Variants in KHDRBS2 observed in about 807,000 individuals in gnomAD.
KHDRBS2 encodes the protein KH RNA binding domain containing, signal transduction associated 2.
Under a neutral mutation model 44.3 loss-of-function variants are expected in KHDRBS2, and 26 were observed. The observed-to-expected ratio is 0.59, with a 90% CI of 0.43 to 0.81. The LOEUF (loss-of-function observed/expected upper bound fraction) is 0.81, where lower values mean the gene tolerates loss of function less well. Among genes scored for constraint, KHDRBS2 ranks in the 40% least tolerant of loss-of-function variants. The pLI is 0.00. For synonymous variants in KHDRBS2, 194 were observed against 151.1 expected, an observed-to-expected ratio of 1.28 and a Z score of -2.08; for missense variants, 476 against 433.1, an observed-to-expected ratio of 1.10 and a Z score of -0.88.
At chr6:61,868,357 A>G (rs1212982205) in intron 6 of KHDRBS2, among the ~76,000 whole-genome samples, 7 of 152,058 alleles carry the variant, frequency 4.6e-5, no homozygotes, top group Admixed American at 4.6e-4. Flanking sequence ...ACTCCATCCC[A>G]GGGAGAAATA....
chr6:62,020,382 T>A (rs1417174479), intron 3 of KHDRBS2, among the ~76,000 whole-genome samples: 3 of 152,014 alleles, frequency 2.0e-5, no homozygotes, highest in Non-Finnish European at 4.4e-5. Flanking sequence ...ATACTAAATG[T>A]TCTATGTGCA....
chr6:62,061,365 C>A (rs993479953), intron 2 of KHDRBS2, among the ~76,000 whole-genome samples: 1 of 151,266 alleles, frequency 6.6e-6, no homozygotes, highest in African/African-American at 2.4e-5. Flanking sequence ...TTAGGGCAGG[C>A]CTGGTGGTGA....
intron 2 of KHDRBS2, among the ~76,000 whole-genome samples, chr6:62,059,198 G>GGTTTTTTTT (rs1791036563): frequency 4.0e-5 from 1 of 24,878 alleles, no homozygotes; most frequent in Non-Finnish European, 8.2e-5. Flanking sequence ...AAGTTAGGAA[G>GGTTTTTTTT]TTTTTTTTTT....
At chr6:61,655,640 C>T in the KHDRBS2 span, among the ~76,000 whole-genome samples, 1 of 152,014 alleles carries the variant, frequency 6.6e-6, no homozygotes, top group South Asian at 2.1e-4. Context: ...CATGCACAAC[C>T]AAAAAATTAC....
At chr6:61,667,786 C>T in the KHDRBS2 span, among the ~76,000 whole-genome samples, 1 of 151,330 alleles carries the variant, frequency 6.6e-6, no homozygotes, top group Admixed American at 6.6e-5. Flanking sequence ...GCTAGCATTA[C>T]TAGCATTATT....
chr6:61,807,404 A>T (rs553523151), intron 6 of KHDRBS2, among the ~76,000 whole-genome samples: 2 of 152,174 alleles, frequency 1.3e-5, no homozygotes, highest in Non-Finnish European at 2.9e-5. Context: ...ACAATAGCAA[A>T]GACATGGACT....
At chr6:62,171,065 T>C (rs983387742) in intron 2 of KHDRBS2, among the ~76,000 whole-genome samples, 2 of 149,984 alleles carry the variant, frequency 1.3e-5, no homozygotes, top group African/African-American at 4.9e-5. Context: ...AAAACCAGAG[T>C]GTCTTCCTAC....
chr6:62,282,544 A>G (rs1228607344), intron 1 of KHDRBS2, among the ~76,000 whole-genome samples: 1 of 152,106 alleles, frequency 6.6e-6, no homozygotes, highest in East Asian at 1.9e-4. Flanking sequence ...GAACAGATCT[A>G]TGTCTGTCAG....
At chr6:62,054,708 G>A (rs1789870533) in intron 2 of KHDRBS2, among the ~76,000 whole-genome samples, 2 of 152,000 alleles carry the variant, frequency 1.3e-5, no homozygotes, top group Non-Finnish European at 2.9e-5. Context: ...TCTATTAGGT[G>A]GAAAAGTCAG....
intron 4 of KHDRBS2, among the ~76,000 whole-genome samples, chr6:61,955,882 A>G (rs193300066): frequency 6.6e-6 from 1 of 152,066 alleles, no homozygotes; most frequent in Non-Finnish European, 1.5e-5. Context: ...TCAATTTTAG[A>G]TTATGAAGCT....
At chr6:61,624,645 AC>A in the KHDRBS2 span, among the ~76,000 whole-genome samples, 7 of 152,086 alleles carry the variant, frequency 4.6e-5, no homozygotes, top group African/African-American at 1.7e-4. Flanking sequence ...ATACCACAAC[AC>A]CCAGAGGCAG....
At chr6:61,626,387 T>C in the KHDRBS2 span, among the ~76,000 whole-genome samples, 2 of 152,184 alleles carry the variant, frequency 1.3e-5, no homozygotes, top group Admixed American at 1.3e-4. Flanking sequence ...TTCTGTGACA[T>C]TGAATTAAAA....
rs115212280 is a variant in KHDRBS2, at chr6:61,969,123, G to A, written c.483+8943C>T. On this transcript the variant is annotated intron_variant, in intron 4 of 8. Coordinates refer to ENST00000281156, the MANE Select transcript of KHDRBS2 (RefSeq NM_152688.4). ...CATATAAGATCTTTTCTGTAATAAA[G>A]TGAACTGGGCTTAATGCAAGGGTAG... 9.2e-3 allele frequency among the ~76,000 whole-genome samples: 1,396 copies of A among 152,076 alleles called. 10 individuals carry two copies. The highest frequency in any genetic ancestry group is 0.02 in the Middle Eastern group (6 of 294).
At chr6:62,041,248 T>G (rs1786428630) in intron 3 of KHDRBS2, among the ~76,000 whole-genome samples, 2 of 151,988 alleles carry the variant, frequency 1.3e-5, no homozygotes, top group South Asian at 4.1e-4. Flanking sequence ...GGAGAATCAC[T>G]TGAACCCAGG....
At position 62,177,295 on chromosome 6, in the gene KHDRBS2, C is replaced by A. The variant is rs148769298; in HGVS notation, c.109G>T (p.Gly37Cys). Reference sequence around the variant, plus strand: ...TCGTCTTCCTTTTTTCCATCAGAACCTTGAAACTTTTCAATTTCTGGAAGA... The same window carrying A: ...TCGTCTTCCTTTTTTCCATCAGAACATTGAAACTTTTCAATTTCTGGAAGA... Reference protein sequence around the residue: ...LLAEEIEKFQGSDGKKEDEEK... With the variant: ...LLAEEIEKFQCSDGKKEDEEK... Residue 37 changes from glycine (G) to cysteine (C), a missense_variant, in exon 2 of 9, where the codon GGT becomes TGT. Transcript: ENST00000281156. The A allele has an allele frequency of 6.3e-7, 1 of 1,594,838 alleles. No individual in the cohort carries two copies. The highest frequency in any genetic ancestry group is 8.6e-7 in the Non-Finnish European group (1 of 1,168,118).
intron 4 of KHDRBS2, among the ~76,000 whole-genome samples, chr6:61,946,447 G>T (rs80077770): frequency 0.058 from 8,844 of 152,224 alleles, 301 homozygotes; most frequent in Middle Eastern, 0.14. Context: ...TTTTACAATT[G>T]TTTTTAAATA....
chr6:62,255,586 C>T (rs1226930467), intron 1 of KHDRBS2, among the ~76,000 whole-genome samples: 15 of 147,168 alleles, frequency 1.0e-4, no homozygotes, highest in Non-Finnish European at 2.1e-4. Flanking sequence ...TGTATTTACC[C>T]TCATTCCTCA....
At chr6:61,609,233 CCTGTAAT>C in the KHDRBS2 span, among the ~76,000 whole-genome samples, 1 of 152,136 alleles carries the variant, frequency 6.6e-6, no homozygotes, top group Non-Finnish European at 1.5e-5. Context: ...GTGGTGTGCA[CCTGTAAT>C]TTCAGCTACT....
At chr6:61,685,074 A>G (rs1250040969) in intron 8 of KHDRBS2, among the ~76,000 whole-genome samples, 1 of 151,730 alleles carries the variant, frequency 6.6e-6, no homozygotes, top group Non-Finnish European at 1.5e-5. Flanking sequence ...TTATGACACA[A>G]TTTTAATTGA....
Sources: gnomAD v4.1 joint callset for allele counts (sites outside exome capture counted in the v4.1 genomes callset) on GRCh38, gnomAD v4.1.1 for gene constraint, MANE v1.5 for transcripts, NCBI Gene and HGNC (gene_info 2026-07-23, HGNC 2026-07-21) for gene names.